PDIA2: variants seen among roughly 807,000 people sequenced by gnomAD.
The protein encoded by PDIA2 is protein disulfide isomerase family A member 2, also known as protein disulfide-isomerase A2.
Under a neutral mutation model 51.1 loss-of-function variants are expected in PDIA2, and 76 were observed. That is an observed-to-expected ratio of 1.49 (90% confidence interval 1.24 to 1.80). The LOEUF (loss-of-function observed/expected upper bound fraction) is 1.80, where lower values mean the gene tolerates loss of function less well. Ranked by LOEUF, PDIA2 falls within the 40% of genes most tolerant of loss-of-function variation. PDIA2 has a pLI of 0.00. For synonymous variants in PDIA2, 429 were observed against 309.9 expected (o/e 1.38, Z -4.04); for missense variants, 946 against 706.5 (o/e 1.34, Z -3.84).
At chr16:283,626 G>A (rs147884603) in intron 1 of PDIA2, among the ~76,000 whole-genome samples, 198 of 152,340 alleles carry the variant, frequency 1.3e-3, no homozygotes, top group African/African-American at 4.6e-3. Flanking sequence ...AGCGGCCACG[G>A]TGCCAGAGTC....
rs2052309007 is a variant in PDIA2 at position 283,260 on chromosome 16, G to A, written c.91G>A (p.Glu31Lys). The A allele has an allele frequency of 1.2e-6, 2 of 1,611,122 alleles. No homozygotes were observed. The highest frequency in any genetic ancestry group is 2.2e-5 in the East Asian group (1 of 44,804). Reference sequence around the variant, plus strand: ...GGAACAGGGAGCGAGGAGCCCCTCGGAGGAGCCTCCAGAGGAGGAAATCCC... The same window carrying A: ...GGAACAGGGAGCGAGGAGCCCCTCGAAGGAGCCTCCAGAGGAGGAAATCCC... Reference protein sequence around the residue: ...GQEQGARSPSEEPPEEEIPKE... With the variant: ...GQEQGARSPSKEPPEEEIPKE... The change falls in exon 1 of 11, where the codon GAG becomes AAG. Residue 31 changes from glutamate to lysine, a missense_variant. Coordinates refer to ENST00000219406, the MANE Select transcript of PDIA2 (RefSeq NM_006849.4).
Position 286,340 on chromosome 16 carries a change from T to C in PDIA2, c.1120-13T>C, listed in dbSNP as rs772315968. On this transcript the variant is annotated splice_polypyrimidine_tract_variant and intron_variant, in intron 7 of 10. Transcript: ENST00000219406. Reference sequence around the variant, plus strand: ...AGGACCCCTGGCAAAGCGCCTGTCCTGGTTTCCCCCAGCCCTATCTCCTGA... The same window carrying C: ...AGGACCCCTGGCAAAGCGCCTGTCCCGGTTTCCCCCAGCCCTATCTCCTGA... 2 of 1,526,346 alleles carry C rather than the reference T, an allele frequency of 1.3e-6. No individual in the cohort carries two copies. The highest frequency in any genetic ancestry group is 1.8e-5 in the Admixed American group (1 of 55,142). The allele number at this position is 1,526,346 out of a possible 1,614,324, so 94.6% of individuals were successfully genotyped here. A position where few individuals can be genotyped will look rare whatever the true frequency, so the allele number is the denominator to read the frequency against.
intron 1 of PDIA2, 118 bp downstream of exon 1, chr16:283,486 C>A: frequency 9.3e-7 from 1 of 1,079,400 alleles, no homozygotes; most frequent in African/African-American, 1.6e-5. Context: ...TCCCCGCAGG[C>A]ACTTGCCCCC....
At position 286,990 on chromosome 16, in the gene PDIA2, C is replaced by T. The variant is rs369808637; in HGVS notation, c.1533+45C>T. On this transcript the variant is annotated intron_variant, in intron 10 of 10. Transcript: ENST00000219406. ...GGCTCCAGGCCTCTGCACAAATCCTCTTTACACAGGGCTGGCAGGGGCGGG... is the reference window on the plus strand; with the variant it reads ...GGCTCCAGGCCTCTGCACAAATCCTTTTTACACAGGGCTGGCAGGGGCGGG... The T allele has an allele frequency of 3.7e-5, 59 of 1,611,236 alleles. No individual in the cohort carries two copies. In the African/African-American group the frequency reaches 6.7e-4, roughly 18 times the overall value.
At position 287,193 on chromosome 16, in the gene PDIA2, T is replaced by TAAAG. The variant is rs796899235; in HGVS notation, c.*82_*85dup. 16 of 1,568,062 alleles carry TAAAG rather than the reference T, an allele frequency of 1.0e-5. No individual in the cohort carries two copies. The highest frequency in any genetic ancestry group is 6.7e-5 in the South Asian group (6 of 89,344). ...ACCAGAGGGAGCTGTGCATTGTGAA[T>TAAAG]AAAGAGTGAGCTTGGTTCTGGACTC... On this transcript the variant is annotated 3_prime_UTR_variant, in exon 11 of 11. Coordinates refer to ENST00000219406, the MANE Select transcript of PDIA2 (RefSeq NM_006849.4).
Position 286,891 on chromosome 16 carries a change from C to A in PDIA2, c.1479C>A (p.Asn493Lys). 6.2e-7 allele frequency: 1 copy of A among 1,603,268 alleles called. No homozygotes were observed. Among genetic ancestry groups the A allele is most frequent in the Non-Finnish European group, 8.5e-7 (1 of 1,176,548 alleles). ...DLETFSKFLD[N>K]GGVLPTEEPP... ...AGACTTTCTCCAAGTTCCTGGACAA[C>A]GGGGGCGTGCTGCCCACGGAGGAGC... Residue 493 changes from asparagine to lysine, a missense_variant, in exon 10 of 11, where the codon AAC (asparagine) becomes AAA (lysine). Transcript: ENST00000219406.
In PDIA2 at chr16:284,371, C is replaced by A. The variant is rs776424334; in HGVS notation, c.200-16C>A. The A allele has an allele frequency of 6.5e-7, 1 of 1,539,186 alleles. No individual in the cohort carries two copies. The highest frequency in any genetic ancestry group is 2.3e-4 in the Middle Eastern group (1 of 4,424). On this transcript the variant is annotated splice_polypyrimidine_tract_variant and intron_variant, in intron 1 of 10. Coordinates refer to ENST00000219406, the MANE Select transcript of PDIA2 (RefSeq NM_006849.4). ...GGGTTGTGGTGGCCTGGGGCACTCACGGCCCCATCCCCCAGATGCCCCGTG... is the reference window on the plus strand; with the variant it reads ...GGGTTGTGGTGGCCTGGGGCACTCAAGGCCCCATCCCCCAGATGCCCCGTG...
rs45503892 is a variant in PDIA2, at chr16:285,185, G to A, written c.780G>A (p.Thr260=). 11,178 of 1,613,044 alleles carry A rather than the reference G, an allele frequency of 6.9e-3. 67 individuals are homozygous for A. Among genetic ancestry groups the A allele is most frequent in the Non-Finnish European group, 8.4e-3 (9,936 of 1,179,994 alleles). The change falls in exon 5 of 11, where the codon ACG becomes ACA. Residue 260 remains threonine (T), a synonymous_variant. Coordinates refer to ENST00000219406, the MANE Select transcript of PDIA2 (RefSeq NM_006849.4). ...FLVTHSMRLV[T]EFNSQTSAKI... is the part of the protein sequence containing the mutation. ...TCACACACAGCATGCGCCTGGTCACGGAGTTCAACAGCCAGGTGCGTAGGC... is the reference window on the plus strand; with the variant it reads ...TCACACACAGCATGCGCCTGGTCACAGAGTTCAACAGCCAGGTGCGTAGGC...
In PDIA2 at chr16:286,596, G is replaced by T. The variant is rs746061835; in HGVS notation, c.1283G>T (p.Trp428Leu). The T allele has an allele frequency of 1.2e-6, 2 of 1,612,872 alleles. No individual in the cohort carries two copies. The highest frequency in any genetic ancestry group is 1.7e-6 in the Non-Finnish European group (2 of 1,179,970). The change falls in exon 9 of 11, where the codon TGG becomes TTG. Residue 428 changes from tryptophan (W) to leucine (L), a missense_variant. Coordinates refer to ENST00000219406, the MANE Select transcript of PDIA2 (RefSeq NM_006849.4). ...CACTGCAAGGAGATGGCCCCTGCCT[G>T]GGAGGCATTGGCTGAGAAGTACCAA... ...CTHCKEMAPAWEALAEKYQDH... is the reference protein window; with the variant it reads ...CTHCKEMAPALEALAEKYQDH...
At chr16:285,240 G>T (rs1265953354) in intron 5 of PDIA2, 40 bp downstream of exon 5, 1 of 1,612,610 alleles carries the variant, frequency 6.2e-7, no homozygotes, top group East Asian at 2.2e-5. Flanking sequence ...GTGTCCCAGG[G>T]TAGAGTCGTC....
At position 284,700 on chromosome 16, in the gene PDIA2, C is replaced by A. The variant is rs370270759; in HGVS notation, c.448C>A (p.Arg150=). 1 of 1,580,840 alleles carries A rather than the reference C, an allele frequency of 6.3e-7. No homozygotes were observed. The highest frequency in any genetic ancestry group is 1.7e-5 in the Admixed American group (1 of 57,336). ...GGGCATTGCCGAGTGGCTGCGACGG[C>A]GGGTGGGGCCCAGTGCCATGCGGCT... is the stretch of plus-strand genomic sequence containing the variant. The part of the protein sequence containing the change: ...AEGIAEWLRR[R]VGPSAMRLED... The change falls in exon 3 of 11, where the codon CGG becomes AGG. Residue 150 remains arginine, a synonymous_variant. Transcript: ENST00000219406.
chr16:286,505 G>C (rs761492155), intron 8 of PDIA2, 32 bp downstream of exon 8: 2 of 1,612,954 alleles, frequency 1.2e-6, no homozygotes, highest in Non-Finnish European at 1.7e-6. Context: ...GGTGGTGTGG[G>C]CTGGGCAGGG....
Position 284,896 on chromosome 16 carries a change from GTGGCCACCTTCT to G in PDIA2, c.565_576del (p.Thr189_Ala192del). On this transcript the variant is annotated inframe_deletion, in exon 4 of 11. Transcript: ENST00000219406. ...CCCTCAGGACCTGCAGGACGAGGAC[GTGGCCACCTTCT>G]TGGCCTTGGCCCAGGACGCCCTGGA... is the stretch of plus-strand genomic sequence containing the variant. 1.2e-6 allele frequency: 2 copies of G among 1,612,706 alleles called. No individual in the cohort carries two copies. The highest frequency in any genetic ancestry group is 2.7e-5 in the African/African-American group (2 of 75,050).
Position 285,094 on chromosome 16 carries a change from G to T in PDIA2, c.689G>T (p.Gly230Val), listed in dbSNP as rs569780896. The change falls in exon 5 of 11, where the codon GGG (glycine) becomes GTG (valine). Residue 230 changes from glycine (G) to valine (V), a missense_variant. By Grantham distance (109) the Gly-to-Val change is moderately radical. Transcript: ENST00000219406. ...TVVLFKKFDE[G>V]RADFPVDEEL... is the part of the protein sequence containing the mutation. ...CCTGCTGCTGTCCAGTTTGATGAGG[G>T]GCGGGCAGACTTCCCCGTGGACGAG... is the stretch of plus-strand genomic sequence containing the variant. The T allele has an allele frequency of 6.2e-7, 1 of 1,612,608 alleles. No individual in the cohort carries two copies. The highest frequency in any genetic ancestry group is 8.5e-7 in the Non-Finnish European group (1 of 1,179,754).
At position 286,944 on chromosome 16, in the gene PDIA2, C is replaced by T. The variant is rs201429930; in HGVS notation, c.1532C>T (p.Pro511Leu). The change falls in exon 10 of 11, where the codon CCG (proline) becomes CTG (leucine). Residue 511 changes from proline to leucine, a missense_variant and splice_region_variant. Transcript: ENST00000219406. ...EPPEEPAAPF[P>L]EPPANSTMGS... is the part of the protein sequence containing the mutation. ...CCGGAGGAGCCAGCAGCCCCGTTCC[C>T]GGTGGGTGTCCCTAAGCCAGGGCTC... The T allele has an allele frequency of 1.5e-4, 241 of 1,600,234 alleles. No individual in the cohort carries two copies. In the African/African-American group the frequency reaches 2.5e-3, roughly 17 times the overall value.
intron 1 of PDIA2, 74 bp downstream of exon 1, chr16:283,442 C>A: frequency 7.0e-7 from 1 of 1,437,652 alleles, no homozygotes; most frequent in Non-Finnish European, 9.2e-7. Flanking sequence ...CCACCCTTTG[C>A]CGGCAAATGC....
In PDIA2 at chr16:284,982, C is replaced by G; in HGVS notation, c.645C>G (p.Gly215=). The change falls in exon 4 of 11, where the codon GGC becomes GGG. Residue 215 remains glycine (G), a synonymous_variant. Transcript: ENST00000219406. ...TDRPRLFQQF[G]LTKDTVVLFK... ...GGCCGCGGCTCTTTCAGCAGTTTGG[C>G]CTCACCAAGGACACTGTGGTTCTCT... is the stretch of plus-strand genomic sequence containing the variant. 1 of 1,613,438 alleles carries G rather than the reference C, an allele frequency of 6.2e-7. No individual in the cohort carries two copies. Among genetic ancestry groups the G allele is most frequent in the Non-Finnish European group, 8.5e-7 (1 of 1,180,026 alleles).
At chr16:285,805 G>GCCCT (rs2052350055) in intron 7 of PDIA2, 102 bp downstream of exon 7, 1 of 1,317,876 alleles carries the variant, frequency 7.6e-7, no homozygotes, top group African/African-American at 1.6e-5. Context: ...TGCCCCTGCA[G>GCCCT]GCCCCGCAGA....
chr16:285,652 C>G lies in PDIA2; in HGVS notation c.1068C>G (p.Thr356=), dbSNP rs373330491. The G allele has an allele frequency of 3.2e-5, 51 of 1,613,280 alleles. No homozygotes were observed. Among genetic ancestry groups the G allele is most frequent in the South Asian group, 2.5e-4 (23 of 91,082 alleles). ...KYAPVDGGPV[T]AASITAFCHA... is the part of the protein sequence containing the mutation. ...CGCCTGTGGATGGGGGCCCTGTCAC[C>G]GCAGCGTCCATCACTGCTTTCTGCC... The change falls in exon 7 of 11, where the codon ACC becomes ACG. Residue 356 remains threonine (T), a synonymous_variant. Coordinates refer to ENST00000219406, the MANE Select transcript of PDIA2 (RefSeq NM_006849.4).
Sources: allele counts gnomAD v4.1 joint callset (sites outside exome capture counted in the v4.1 genomes callset), GRCh38; gene constraint gnomAD v4.1.1; transcripts MANE v1.5; gene names NCBI Gene and HGNC (gene_info 2026-07-23, HGNC 2026-07-21).